PPM1L: variants seen among roughly 807,000 people sequenced by gnomAD.
PPM1L encodes the protein protein phosphatase 1L.
In PPM1L, 13 loss-of-function variants were observed where a neutral mutation model predicts 31.4. The ratio of observed to expected loss-of-function variants is 0.41; its 90% CI spans 0.27 to 0.66. PPM1L has a LOEUF of 0.66. PPM1L is among the 30% of genes least tolerant of loss of function. PPM1L has a pLI of 0.29. For synonymous variants in PPM1L, 184 were observed against 175.4 expected (o/e 1.05, Z -0.39); for missense variants, 326 against 453.7 (o/e 0.72, Z 2.56).
At chr3:160,920,501 G>C (rs1315296951) in intron 1 of PPM1L, among the ~76,000 whole-genome samples, 1 of 151,868 alleles carries the variant, frequency 6.6e-6, no homozygotes, top group Non-Finnish European at 1.5e-5. Flanking sequence ...TTAGGAGTGC[G>C]GTGTATGGTC....
At chr3:160,912,269 T>C (rs887169594) in intron 1 of PPM1L, among the ~76,000 whole-genome samples, 10 of 152,220 alleles carry the variant, frequency 6.6e-5, no homozygotes, top group Admixed American at 1.3e-4. Context: ...AGGGGGAATC[T>C]ATTTGCCATC....
chr3:160,788,494 C>T (rs1325107267), intron 1 of PPM1L, among the ~76,000 whole-genome samples: 8 of 151,560 alleles, frequency 5.3e-5, no homozygotes, highest in East Asian at 1.9e-4. Flanking sequence ...GAAGATTTGC[C>T]CTTTATCATA....
chr3:160,836,508 T>C (rs1032404561), intron 1 of PPM1L, among the ~76,000 whole-genome samples: 5 of 152,242 alleles, frequency 3.3e-5, no homozygotes, highest in African/African-American at 9.6e-5. Context: ...AGCAGCTCAA[T>C]TGAATTTTTC....
At chr3:161,010,249 AGTGTTT>A (rs1717847708) in intron 2 of PPM1L, among the ~76,000 whole-genome samples, 1 of 151,652 alleles carries the variant, frequency 6.6e-6, no homozygotes, top group Non-Finnish European at 1.5e-5. Flanking sequence ...GAGAACATGC[AGTGTTT>A]GGTTTTTTGT....
At chr3:160,775,122 A>G (rs1711532344) in intron 1 of PPM1L, among the ~76,000 whole-genome samples, 1 of 152,206 alleles carries the variant, frequency 6.6e-6, no homozygotes, top group African/African-American at 2.4e-5. Context: ...GTTTGAGGCA[A>G]CGGTTGTTAT....
In PPM1L at chr3:160,973,764, G is replaced by GTTTT. The variant is rs75599237; in HGVS notation, c.574+11880_574+11883dup. Among the ~76,000 whole-genome samples, 16 of 88,444 alleles carry GTTTT rather than the reference G, an allele frequency of 1.8e-4. 1 individual carries two copies. The highest frequency in any genetic ancestry group is 2.5e-4 in the East Asian group (1 of 3,932). The allele number at this position is 88,444 out of a possible 152,430, so 58.0% of individuals were successfully genotyped here. The stretch of plus-strand genomic sequence containing the variant: ...GGTAAATTGCCTTCTGAAAGGCCCT[G>GTTTT]TTTTTTTTTTTTTTTTTTTTTTTTT... On this transcript the variant is annotated intron_variant, in intron 2 of 3. Coordinates refer to ENST00000498165, the MANE Select transcript of PPM1L (RefSeq NM_139245.4).
intron 2 of PPM1L, among the ~76,000 whole-genome samples, chr3:160,983,224 T>C (rs1204284440): frequency 6.6e-6 from 1 of 152,192 alleles, no homozygotes; most frequent in Non-Finnish European, 1.5e-5. Flanking sequence ...CATTTGCAAA[T>C]AAAATGCAAG....
chr3:160,922,086 A>G (rs565086031), intron 1 of PPM1L, among the ~76,000 whole-genome samples: 26 of 152,266 alleles, frequency 1.7e-4, no homozygotes, highest in African/African-American at 2.6e-4. Flanking sequence ...CAAGGCGGGC[A>G]GATCACGAGG....
rs1279545418 is a variant in PPM1L at position 161,078,096 on chromosome 3, G to A, written c.*8939G>A. The A allele has an allele frequency of 6.6e-6, 1 of 152,128 alleles. No homozygotes were observed. Among genetic ancestry groups the A allele is most frequent in the Non-Finnish European group, 1.5e-5 (1 of 68,036 alleles). The allele number at this position is 152,128 out of a possible 1,614,324, so 9.4% of individuals were successfully genotyped here. On this transcript the variant is annotated 3_prime_UTR_variant, in exon 4 of 4. Transcript: ENST00000498165. ...GGGTTTTTGTTTTGTTTTTAATCATGAGCACATATAAAAGGAAATTCAAAT... is the reference window on the plus strand; with the variant it reads ...GGGTTTTTGTTTTGTTTTTAATCATAAGCACATATAAAAGGAAATTCAAAT...
intron 2 of PPM1L, among the ~76,000 whole-genome samples, chr3:161,029,629 A>G (rs1302979497): frequency 6.6e-6 from 1 of 152,188 alleles, no homozygotes; most frequent in African/African-American, 2.4e-5. Flanking sequence ...TTCCAAAAAG[A>G]AAACCTTAAT....
At chr3:161,043,537 A>G (rs61560039) in intron 2 of PPM1L, among the ~76,000 whole-genome samples, 4,492 of 152,328 alleles carry the variant, frequency 0.029, 152 homozygotes, top group African/African-American at 0.085. Context: ...GCAGCCAGCA[A>G]TATGCCCCAC....
At chr3:160,898,727 A>G (rs1205775130) in intron 1 of PPM1L, among the ~76,000 whole-genome samples, 2 of 152,306 alleles carry the variant, frequency 1.3e-5, no homozygotes, top group East Asian at 1.9e-4. Flanking sequence ...ATGAAGACCT[A>G]TCACTGGGGC....
intron 1 of PPM1L, among the ~76,000 whole-genome samples, chr3:160,942,023 C>G (rs1447090326): frequency 6.6e-6 from 1 of 152,212 alleles, no homozygotes; most frequent in Non-Finnish European, 1.5e-5. Flanking sequence ...ACCACGCTTA[C>G]TACTTTATTC....
Position 161,004,153 on chromosome 3 carries a change from C to T in PPM1L, c.574+42243C>T, listed in dbSNP as rs1251446566. ...ATGCTGGATTACATTTATTGATTTG[C>T]GTATATTGAACCAGCCTTGCATCCC... On this transcript the variant is annotated intron_variant, in intron 2 of 3. Coordinates refer to ENST00000498165, the MANE Select transcript of PPM1L (RefSeq NM_139245.4). 4.1e-5 allele frequency among the ~76,000 whole-genome samples: 6 copies of T among 145,410 alleles called. No individual in the cohort carries two copies. In the South Asian group the frequency reaches 9.0e-4, roughly 22 times the overall value.
chr3:160,809,607 C>T (rs1425295031), intron 1 of PPM1L, among the ~76,000 whole-genome samples: 2 of 152,064 alleles, frequency 1.3e-5, no homozygotes, highest in Admixed American at 6.6e-5. Flanking sequence ...AGCAGTGGGC[C>T]TTGGGAGCTG....
intron 1 of PPM1L, among the ~76,000 whole-genome samples, chr3:160,818,710 G>GT: frequency 6.6e-6 from 1 of 151,556 alleles, no homozygotes; most frequent in African/African-American, 2.4e-5. Flanking sequence ...CATTTATTTA[G>GT]TTTTTATTAA....
rs576669797 is a variant in PPM1L, at chr3:161,047,474, G to A, written c.575-17929G>A. Among the ~76,000 whole-genome samples the A allele has an allele frequency of 9.2e-5, 14 of 152,154 alleles. No individual in the cohort carries two copies. In the South Asian group the frequency reaches 1.9e-3, roughly 20 times the overall value. ...ATGGAAGAACATTCCATGCTCATGG[G>A]TAGGAAGAATCAATATTGTGAAAAT... is the stretch of plus-strand genomic sequence containing the variant. On this transcript the variant is annotated intron_variant, in intron 2 of 3. Coordinates refer to ENST00000498165, the MANE Select transcript of PPM1L (RefSeq NM_139245.4).
intron 1 of PPM1L, among the ~76,000 whole-genome samples, chr3:160,853,209 G>T (rs1016002254): frequency 1.3e-5 from 2 of 152,036 alleles, no homozygotes; most frequent in African/African-American, 4.8e-5. Flanking sequence ...TTTCTTTTTG[G>T]CAGTGGGAGG....
intron 2 of PPM1L, among the ~76,000 whole-genome samples, chr3:160,966,124 A>G (rs1716135466): frequency 6.6e-6 from 1 of 152,050 alleles, no homozygotes; most frequent in African/African-American, 2.4e-5. Flanking sequence ...GTGCAACCCT[A>G]CCGTGTCACA....
Sources: allele counts gnomAD v4.1 joint callset (sites outside exome capture counted in the v4.1 genomes callset), GRCh38; gene constraint gnomAD v4.1.1; transcripts MANE v1.5; gene names NCBI Gene and HGNC (gene_info 2026-07-23, HGNC 2026-07-21).